The following KCNIP4 variants were observed in gnomAD, a reference collection of about 807,000 sequenced individuals.
KCNIP4 encodes potassium voltage-gated channel interacting protein 4.
In KCNIP4, 12 loss-of-function variants were observed where a neutral mutation model predicts 34.0. The ratio of observed to expected loss-of-function variants is 0.35; its 90% CI spans 0.23 to 0.57. The LOEUF is 0.57. Ranked by LOEUF, KCNIP4 falls within the 20% of genes least tolerant of loss-of-function variation. The pLI is 0.83. For missense variants in KCNIP4, 238 were observed against 311.7 expected, an observed-to-expected ratio of 0.76 and a Z score of 1.78; for synonymous variants, 124 against 102.2, an observed-to-expected ratio of 1.21 and a Z score of -1.29.
chr4:21,596,899 G>A (rs1031456227), intron 1 of KCNIP4, among the ~76,000 whole-genome samples: 10 of 152,022 alleles, frequency 6.6e-5, no homozygotes, highest in Non-Finnish European at 1.5e-4. Flanking sequence ...ATTTGGAAGC[G>A]GAAACCATCC....
At chr4:21,152,172 G>C (rs996973927) in intron 1 of KCNIP4, among the ~76,000 whole-genome samples, 17 of 152,116 alleles carry the variant, frequency 1.1e-4, no homozygotes, top group Non-Finnish European at 1.2e-4. Context: ...AGAATTGCTT[G>C]AACCTGGGAG....
intron 1 of KCNIP4, among the ~76,000 whole-genome samples, chr4:21,774,692 G>T (rs1719052195): frequency 6.6e-6 from 1 of 151,924 alleles, no homozygotes; most frequent in Non-Finnish European, 1.5e-5. Flanking sequence ...TTTCAGTAAG[G>T]TAGTCTTCAA....
intron 1 of KCNIP4, among the ~76,000 whole-genome samples, chr4:21,740,099 T>A (rs1716292566): frequency 6.6e-6 from 1 of 152,056 alleles, no homozygotes; most frequent in Non-Finnish European, 1.5e-5. Flanking sequence ...TGTATACACA[T>A]GAATATATGT....
At chr4:21,450,558 A>G (rs1402551595) in intron 1 of KCNIP4, among the ~76,000 whole-genome samples, 1 of 152,162 alleles carries the variant, frequency 6.6e-6, no homozygotes, top group Admixed American at 6.5e-5. Flanking sequence ...ATGACGAAGT[A>G]AAGGGTGGGG....
intron 1 of KCNIP4, among the ~76,000 whole-genome samples, chr4:21,274,894 T>A (rs539520973): frequency 6.6e-6 from 1 of 152,298 alleles, no homozygotes; most frequent in Admixed American, 6.5e-5. Flanking sequence ...TTTTTTCTTC[T>A]TTTAACAAAC....
intron 1 of KCNIP4, among the ~76,000 whole-genome samples, chr4:21,496,580 G>C (rs533782937): frequency 2.0e-5 from 3 of 152,104 alleles, no homozygotes; most frequent in African/African-American, 7.2e-5. Context: ...CACTTCAATC[G>C]TTTCTCTCCC....
intron 3 of KCNIP4, among the ~76,000 whole-genome samples, chr4:20,846,103 G>A (rs4697191): frequency 1.3e-5 from 2 of 152,250 alleles, no homozygotes; most frequent in African/African-American, 2.4e-5. Flanking sequence ...AACATTTAAT[G>A]TCAAAAGGAC....
At chr4:21,703,824 C>A (rs1713055896) in intron 1 of KCNIP4, among the ~76,000 whole-genome samples, 1 of 152,016 alleles carries the variant, frequency 6.6e-6, no homozygotes, top group Non-Finnish European at 1.5e-5. Context: ...CGATCATAGA[C>A]AAGATTTTTC....
chr4:20,884,096 G>T (rs1458635514), intron 1 of KCNIP4, among the ~76,000 whole-genome samples: 1 of 152,158 alleles, frequency 6.6e-6, no homozygotes, highest in Non-Finnish European at 1.5e-5. Flanking sequence ...TCAACTGCTG[G>T]TTGAGGGTCT....
chr4:21,215,370 A>G (rs1757484127), intron 1 of KCNIP4, among the ~76,000 whole-genome samples: 1 of 152,230 alleles, frequency 6.6e-6, no homozygotes, highest in Admixed American at 6.5e-5. Flanking sequence ...GTTACAATCT[A>G]CACTTCTTTG....
At chr4:21,782,938 T>G (rs1355383790) in intron 1 of KCNIP4, among the ~76,000 whole-genome samples, 2 of 152,104 alleles carry the variant, frequency 1.3e-5, no homozygotes, top group Non-Finnish European at 2.9e-5. Context: ...ATGATCCATG[T>G]AGGTAAAATT....
intron 1 of KCNIP4, among the ~76,000 whole-genome samples, chr4:21,836,413 C>T (rs1723321975): frequency 6.6e-6 from 1 of 152,114 alleles, no homozygotes; most frequent in African/African-American, 2.4e-5. Flanking sequence ...GCTGGGAAAA[C>T]CCAGGTGCGC....
At chr4:21,837,347 A>T (rs1039058803) in intron 1 of KCNIP4, among the ~76,000 whole-genome samples, 1 of 150,460 alleles carries the variant, frequency 6.6e-6, no homozygotes, top group African/African-American at 2.4e-5. Context: ...CAGGCTGGCC[A>T]ACATGGTGAA....
chr4:21,896,599 G>A (rs1727400807), intron 1 of KCNIP4, among the ~76,000 whole-genome samples: 1 of 152,122 alleles, frequency 6.6e-6, no homozygotes, highest in Non-Finnish European at 1.5e-5. Flanking sequence ...TGGGCATGAG[G>A]CATATGACAA....
chr4:21,365,692 G>A (rs541051511), intron 1 of KCNIP4, among the ~76,000 whole-genome samples: 8 of 151,716 alleles, frequency 5.3e-5, no homozygotes, highest in African/African-American at 1.5e-4. Flanking sequence ...TTCTGTTCCC[G>A]TTGTTGTTAT....
chr4:21,604,564 T>C lies in KCNIP4; in HGVS notation c.61+344007A>G, dbSNP rs371299272. Among the ~76,000 whole-genome samples the C allele has an allele frequency of 1.7e-3, 257 of 152,108 alleles. 10 individuals are homozygous for C. In the South Asian group the frequency reaches 0.047, roughly 28 times the overall value. Reference sequence around the variant, plus strand: ...CAAGCATAAATGGGACCTTGGCAAATTGCAGGATTATTTGCTATTGGAAAT... The same window carrying C: ...CAAGCATAAATGGGACCTTGGCAAACTGCAGGATTATTTGCTATTGGAAAT... On this transcript the variant is annotated intron_variant, in intron 1 of 8. Transcript: ENST00000382152.
intron 1 of KCNIP4, among the ~76,000 whole-genome samples, chr4:21,137,633 G>C (rs951670289): frequency 6.6e-5 from 10 of 152,010 alleles, no homozygotes; most frequent in Non-Finnish European, 1.5e-4. Context: ...TGGAGCCTCT[G>C]TTCATCTGCT....
chr4:21,000,111 C>G (rs1228709419), intron 1 of KCNIP4, among the ~76,000 whole-genome samples: 1 of 152,042 alleles, frequency 6.6e-6, no homozygotes, highest in African/African-American at 2.4e-5. Flanking sequence ...GTGAATTTTC[C>G]AGGTAGGCAT....
chr4:21,698,234 A>G (rs758891598), intron 1 of KCNIP4, among the ~76,000 whole-genome samples: 1 of 152,208 alleles, frequency 6.6e-6, no homozygotes, highest in African/African-American at 2.4e-5. Flanking sequence ...CATTTTCTGC[A>G]CAGCGCGGGC....
Sources: allele counts gnomAD v4.1 joint callset (sites outside exome capture counted in the v4.1 genomes callset), GRCh38; gene constraint gnomAD v4.1.1; transcripts MANE v1.5; gene names NCBI Gene and HGNC (gene_info 2026-07-23, HGNC 2026-07-21).